Variants in KLF12 observed in about 807,000 individuals in gnomAD.
KLF12 encodes the protein KLF transcription factor 12.
Under a neutral mutation model 37.8 loss-of-function variants are expected in KLF12, and 9 were observed. The ratio of observed to expected loss-of-function variants is 0.24; its 90% CI spans 0.14 to 0.42. The LOEUF is 0.42. KLF12 is among the 10% of genes least tolerant of loss of function. The probability of loss-of-function intolerance (pLI) is 1.00; values close to 1 mark genes in which losing one functional copy is unlikely to be tolerated. For missense variants in KLF12, 411 were observed against 516.0 expected (o/e 0.80, Z 1.97); for synonymous variants, 208 against 202.1 (o/e 1.03, Z -0.25).
the KLF12 span, among the ~76,000 whole-genome samples, chr13:74,279,402 T>C: frequency 6.6e-6 from 1 of 152,124 alleles, no homozygotes; most frequent in Admixed American, 6.6e-5. Flanking sequence ...TCCCCAAAAC[T>C]AACCATGCAT....
intron 5 of KLF12, among the ~76,000 whole-genome samples, chr13:73,784,619 C>T (rs1008635382): frequency 3.2e-4 from 48 of 150,644 alleles, no homozygotes; most frequent in African/African-American, 1.1e-3. Flanking sequence ...CTCTGACATA[C>T]TTCCTCATCT....
chr13:73,989,022 G>C (rs1891896919), intron 2 of KLF12, among the ~76,000 whole-genome samples: 1 of 152,122 alleles, frequency 6.6e-6, no homozygotes. Flanking sequence ...CAGACAATCT[G>C]AGTACAAAGT....
intron 1 of KLF12, among the ~76,000 whole-genome samples, chr13:74,062,239 G>A (rs1873638215): frequency 6.6e-6 from 1 of 152,068 alleles, no homozygotes; most frequent in Non-Finnish European, 1.5e-5. Flanking sequence ...TTAAAATCTT[G>A]CTTTTCATCA....
chr13:74,205,339 G>A, the KLF12 span, among the ~76,000 whole-genome samples: 2 of 152,110 alleles, frequency 1.3e-5, no homozygotes, highest in African/African-American at 2.4e-5. Flanking sequence ...AATCTGGGGT[G>A]ATATGAAAAG....
chr13:73,886,744 C>T (rs2138990220), intron 3 of KLF12, among the ~76,000 whole-genome samples: 1 of 152,298 alleles, frequency 6.6e-6, no homozygotes, highest in African/African-American at 2.4e-5. Flanking sequence ...GTAATCCCAG[C>T]ACTTTTGGAG....
rs74098507 is a variant in KLF12, at chr13:74,108,504, G to C, written c.-32+25235C>G. Among the ~76,000 whole-genome samples, 542 of 152,194 alleles carry C rather than the reference G, an allele frequency of 3.6e-3. 4 individuals carry two copies. Among genetic ancestry groups the C allele is most frequent in the African/African-American group, 0.012 (512 of 41,540 alleles). On this transcript the variant is annotated intron_variant, in intron 1 of 7. Coordinates refer to ENST00000377669, the MANE Select transcript of KLF12 (RefSeq NM_007249.5). The stretch of plus-strand genomic sequence containing the variant: ...AACATACAGTTGACCTTTGAATGTG[G>C]GGGGTGAGGGTCATAGGAGTTGGGG...
At chr13:74,287,963 C>G in the KLF12 span, among the ~76,000 whole-genome samples, 41 of 152,090 alleles carry the variant, frequency 2.7e-4, no homozygotes, top group Non-Finnish European at 4.4e-4. Flanking sequence ...AGCTCCACCC[C>G]CCTCCCACCC....
chr13:74,138,544 G>A (rs1593932090), upstream of KLF12, among the ~76,000 whole-genome samples: 1 of 152,198 alleles, frequency 6.6e-6, no homozygotes, highest in Non-Finnish European at 1.5e-5. Context: ...TTTGGGGGAT[G>A]AGCTGTCTGC....
chr13:74,114,620 T>C (rs1877177755), intron 1 of KLF12, among the ~76,000 whole-genome samples: 1 of 152,170 alleles, frequency 6.6e-6, no homozygotes, highest in Non-Finnish European at 1.5e-5. Flanking sequence ...TTTTAAAATA[T>C]CTTTAATAAT....
intron 3 of KLF12, among the ~76,000 whole-genome samples, chr13:73,852,945 T>C (rs1291644068): frequency 2.0e-5 from 3 of 150,196 alleles, no homozygotes; most frequent in African/African-American, 4.9e-5. Context: ...TCTCAGCTCA[T>C]TGCAAGCTCC....
chr13:74,294,640 T>G, the KLF12 span, among the ~76,000 whole-genome samples: 2 of 152,294 alleles, frequency 1.3e-5, no homozygotes, highest in East Asian at 3.9e-4. Context: ...GTGATGAGAT[T>G]ACAGGCGTGA....
chr13:73,790,168 G>A (rs1881601558), intron 5 of KLF12, among the ~76,000 whole-genome samples: 1 of 152,078 alleles, frequency 6.6e-6, no homozygotes, highest in Admixed American at 6.6e-5. Context: ...CAAATTTCAG[G>A]CCATAAATGA....
chr13:74,232,049 A>G, the KLF12 span, among the ~76,000 whole-genome samples: 1 of 152,350 alleles, frequency 6.6e-6, no homozygotes, highest in East Asian at 1.9e-4. Flanking sequence ...ATATGATTTC[A>G]TGGTGTAACA....
At chr13:74,145,650 C>T in the KLF12 span, among the ~76,000 whole-genome samples, 1 of 152,304 alleles carries the variant, frequency 6.6e-6, no homozygotes, top group African/African-American at 2.4e-5. Flanking sequence ...TTAACCCCAG[C>T]AGTACTTACA....
chr13:73,760,148 A>C (rs9600164), intron 6 of KLF12, among the ~76,000 whole-genome samples: 45,110 of 152,000 alleles, frequency 0.3, 7,017 homozygotes, highest in Middle Eastern at 0.38. Flanking sequence ...TCACACCCGG[A>C]ATGCATCATA....
At chr13:73,802,369 A>G (rs1015828111) in intron 5 of KLF12, among the ~76,000 whole-genome samples, 3 of 152,142 alleles carry the variant, frequency 2.0e-5, no homozygotes, top group African/African-American at 7.2e-5. Flanking sequence ...GTTATTTTTG[A>G]CTCATCAGGA....
intron 1 of KLF12, among the ~76,000 whole-genome samples, chr13:74,089,013 TCTG>T (rs1355038037): frequency 6.6e-6 from 1 of 152,192 alleles, no homozygotes; most frequent in Non-Finnish European, 1.5e-5. Context: ...TCTAGACAAT[TCTG>T]CTATCTCTGT....
the KLF12 span, among the ~76,000 whole-genome samples, chr13:74,182,340 T>C: frequency 0.033 from 5,061 of 152,348 alleles, 127 homozygotes; most frequent in Admixed American, 0.064. Context: ...GAGTCACTTT[T>C]GTCCAAGGGT....
chr13:74,043,384 A>C (rs960107558), intron 1 of KLF12, among the ~76,000 whole-genome samples: 12 of 152,206 alleles, frequency 7.9e-5, no homozygotes, highest in Non-Finnish European at 8.8e-5. Context: ...GGAGTAACGA[A>C]ACTAAGACAA....
Sources: gnomAD v4.1 joint callset for allele counts (sites outside exome capture counted in the v4.1 genomes callset) on GRCh38, gnomAD v4.1.1 for gene constraint, MANE v1.5 for transcripts, NCBI Gene and HGNC (gene_info 2026-07-23, HGNC 2026-07-21) for gene names.